The following WDR72 variants were observed in gnomAD, a reference collection of about 807,000 sequenced individuals.
WDR72 encodes the protein WD repeat domain 72, also known as WD repeat-containing protein 72.
A neutral mutation model predicts 124.2 loss-of-function variants in WDR72; 120 were observed. The observed-to-expected ratio is 0.97, with a 90% CI of 0.83 to 1.12. WDR72 has a LOEUF of 1.12. Ranked by LOEUF, WDR72 falls within the 50% of genes most tolerant of loss-of-function variation. The pLI is 0.00. For missense variants in WDR72, 1,387 were observed against 1,278.8 expected (o/e 1.08, Z -1.29); for synonymous variants, 452 against 441.7 (o/e 1.02, Z -0.29).
chr15:53,761,599 A>C (rs1452678118), upstream of WDR72, among the ~76,000 whole-genome samples: 1 of 152,090 alleles, frequency 6.6e-6, no homozygotes, highest in Non-Finnish European at 1.5e-5. Flanking sequence ...GCTGAGGTGA[A>C]TAGATTGCTT....
chr15:53,712,726 A>C (rs1429048697), intron 7 of WDR72, 46 bp downstream of exon 7: 1 of 1,576,138 alleles, frequency 6.3e-7, no homozygotes, highest in East Asian at 2.2e-5. Context: ...AACAAAAAAA[A>C]TTACACTTGT....
intron 18 of WDR72, among the ~76,000 whole-genome samples, chr15:53,531,078 A>G (rs1290951696): frequency 6.6e-6 from 1 of 152,076 alleles, no homozygotes; most frequent in South Asian, 2.1e-4. Context: ...TATCTAGACT[A>G]CGTCTCCATT....
At chr15:53,539,139 C>A (rs1892931878) in intron 18 of WDR72, among the ~76,000 whole-genome samples, 1 of 151,998 alleles carries the variant, frequency 6.6e-6, no homozygotes, top group African/African-American at 2.4e-5. Context: ...GATTTTCTAT[C>A]CAGCAAAATT....
intron 18 of WDR72, among the ~76,000 whole-genome samples, chr15:53,568,086 AT>A (rs796439241): frequency 4.7e-5 from 6 of 128,468 alleles, no homozygotes; most frequent in African/African-American, 1.2e-4. Flanking sequence ...TTTTTTTTTT[AT>A]TTTTTTAAGT....
intron 1 of WDR72, among the ~76,000 whole-genome samples, chr15:53,747,368 C>G (rs2018668093): frequency 2.0e-5 from 3 of 152,194 alleles, no homozygotes; most frequent in African/African-American, 7.2e-5. Context: ...CCCTAACCAA[C>G]ATCAACGCCA....
rs964406999 is a variant in WDR72 at position 53,513,817 on chromosome 15, A to G, written c.*3882T>C. 3 of 152,212 alleles carry G rather than the reference A, an allele frequency of 2.0e-5. No individual in the cohort carries two copies. Among genetic ancestry groups the G allele is most frequent in the African/African-American group, 2.4e-5 (1 of 41,458 alleles). The allele number at this position is 152,212 out of a possible 1,614,324, so 9.4% of individuals were successfully genotyped here. On this transcript the variant is annotated 3_prime_UTR_variant, in exon 20 of 20. Transcript: ENST00000360509. ...AAACTCCACAACATCAACATTTTAC[A>G]TAAAGATGGTATCTGAGAAGGTCAA...
intron 18 of WDR72, among the ~76,000 whole-genome samples, chr15:53,555,354 G>T (rs1466943424): frequency 1.3e-5 from 2 of 151,846 alleles, no homozygotes; most frequent in Non-Finnish European, 2.9e-5. Flanking sequence ...ACAAAGGAAA[G>T]AAACACTGGG....
rs761802123 is a variant in WDR72 at position 53,647,793 on chromosome 15, T to C, written c.1962+17779A>G. Among the ~76,000 whole-genome samples the C allele has an allele frequency of 2.0e-5, 3 of 152,134 alleles. 1 individual carries two copies. In the South Asian group the frequency reaches 6.2e-4, roughly 31 times the overall value. On this transcript the variant is annotated intron_variant, in intron 14 of 19. Coordinates refer to ENST00000360509, the MANE Select transcript of WDR72 (RefSeq NM_182758.4). ...TACTAGAACATAATATAGCCTATTC[T>C]GATCTAGATGTTTTCCAAATTGATA... is the stretch of plus-strand genomic sequence containing the variant.
intron 14 of WDR72, among the ~76,000 whole-genome samples, chr15:53,643,439 C>G (rs1483555521): frequency 6.6e-6 from 1 of 152,050 alleles, no homozygotes; most frequent in Non-Finnish European, 1.5e-5. Flanking sequence ...TCCTTCTGTC[C>G]TTGAAAAGAT....
intron 13 of WDR72, among the ~76,000 whole-genome samples, chr15:53,689,199 G>A (rs2016751093): frequency 6.6e-6 from 1 of 151,946 alleles, no homozygotes; most frequent in African/African-American, 2.4e-5. Context: ...GCCAACAAAA[G>A]CCAAAATTGA....
intron 18 of WDR72, among the ~76,000 whole-genome samples, chr15:53,563,752 C>T (rs1269589069): frequency 1.3e-5 from 2 of 151,694 alleles, no homozygotes; most frequent in Admixed American, 1.3e-4. Flanking sequence ...TTGCCTATCA[C>T]ACTGATTACT....
intron 14 of WDR72, among the ~76,000 whole-genome samples, chr15:53,651,144 T>C (rs1422562957): frequency 1.3e-5 from 2 of 152,150 alleles, no homozygotes; most frequent in East Asian, 1.9e-4. Flanking sequence ...ATTGTCTACA[T>C]CAACCTCATT....
At position 53,612,038 on chromosome 15, in the gene WDR72, A is replaced by G. The variant is rs575897720; in HGVS notation, c.2872+1628T>C. 1.8e-4 allele frequency among the ~76,000 whole-genome samples: 27 copies of G among 152,248 alleles called. No individual in the cohort carries two copies. The South Asian group carries it at 5.4e-3, about 30-fold the overall frequency. ...TTCCCATTTTACAAATGTAGTAATT[A>G]GGGCTTTTAAAAAGGAAAAGACATG... On this transcript the variant is annotated intron_variant, in intron 16 of 19. Transcript: ENST00000360509.
At chr15:53,702,017 T>C (rs1035504164) in intron 12 of WDR72, 117 bp downstream of exon 12, 12 of 681,474 alleles carry the variant, frequency 1.8e-5, no homozygotes, top group African/African-American at 1.4e-4. Context: ...TATAAGTACA[T>C]AGAACTCATG....
chr15:53,615,433 C>T lies in WDR72; in HGVS notation c.2773G>A (p.Val925Ile). The T allele has an allele frequency of 6.2e-7, 1 of 1,609,080 alleles. No individual in the cohort carries two copies. Among genetic ancestry groups the T allele is most frequent in the Non-Finnish European group, 8.5e-7 (1 of 1,177,532 alleles). ...TCTCTAGGTATGTCTTACCTGCCAA[C>T]TCTACATGCCAATTCTAAAGGCATG... is the stretch of plus-strand genomic sequence containing the variant. ...VNMPLELACR[V>I]GSSFRMESIH... The change falls in exon 15 of 20, where the codon GTT becomes ATT. Residue 925 changes from valine (V) to isoleucine (I), a missense_variant. Val to Ile is a conservative substitution (Grantham distance 29, BLOSUM62 3). Coordinates refer to ENST00000360509, the MANE Select transcript of WDR72 (RefSeq NM_182758.4).
chr15:53,613,907 T>C (rs771472808), intron 15 of WDR72, 150 bp from the exon 16 acceptor site: 200 of 603,616 alleles, frequency 3.3e-4, no homozygotes, highest in Non-Finnish European at 5.6e-4. Context: ...TCAATTTCTC[T>C]TGTGAATCTG....
intron 13 of WDR72, among the ~76,000 whole-genome samples, chr15:53,681,780 A>G (rs912046905): frequency 4.6e-5 from 7 of 152,198 alleles, no homozygotes; most frequent in Admixed American, 4.6e-4. Context: ...CCTAATATAT[A>G]TTAAGATGCC....
chr15:53,590,980 G>C (rs1328326896), intron 18 of WDR72, among the ~76,000 whole-genome samples: 1 of 151,990 alleles, frequency 6.6e-6, no homozygotes, highest in African/African-American at 2.4e-5. Flanking sequence ...TAATGTCCAG[G>C]TTTCTCATTC....
intron 13 of WDR72, among the ~76,000 whole-genome samples, chr15:53,680,561 C>A (rs1287217709): frequency 1.3e-5 from 2 of 152,182 alleles, no homozygotes; most frequent in African/African-American, 2.4e-5. Flanking sequence ...AGAAAGTTAA[C>A]CTGCGGGGTA....
Sources: allele counts gnomAD v4.1 joint callset (sites outside exome capture counted in the v4.1 genomes callset), GRCh38; gene constraint gnomAD v4.1.1; transcripts MANE v1.5; gene names NCBI Gene and HGNC (gene_info 2026-07-23, HGNC 2026-07-21).